The following TMEM131 variants were observed in gnomAD, a reference collection of about 807,000 sequenced individuals.
The protein encoded by TMEM131 is transmembrane protein 131, also known as 2610524E03Rik.
In TMEM131, 66 loss-of-function variants were observed where a neutral mutation model predicts 211.6. That is an observed-to-expected ratio of 0.31 (90% CI 0.26 to 0.38). The LOEUF (loss-of-function observed/expected upper bound fraction) is 0.38. Among genes scored for constraint, TMEM131 ranks in the 10% least tolerant of loss-of-function variants. The pLI is 1.00. For synonymous variants in TMEM131, 844 were observed against 841.3 expected (o/e 1.00, Z -0.06); for missense variants, 2,036 against 2,299.3 (o/e 0.89, Z 2.34).
intron 25 of TMEM131, among the ~76,000 whole-genome samples, chr2:97,800,503 A>G (rs912058196): frequency 2.6e-5 from 4 of 151,878 alleles, no homozygotes; most frequent in African/African-American, 9.7e-5. Context: ...TAATCCCAGT[A>G]CTTTAGGAGG....
intron 1 of TMEM131, among the ~76,000 whole-genome samples, chr2:97,958,033 CAGGTGAACACGGAGGTTAAGGT>C: frequency 6.6e-6 from 1 of 152,246 alleles, no homozygotes; most frequent in East Asian, 1.9e-4. Context: ...AAGGAAGAGT[CAGGTGAACACGGAGGTTAAGGT>C]AGGGCATTCC....
intron 31 of TMEM131, among the ~76,000 whole-genome samples, chr2:97,787,483 C>T (rs1680306488): frequency 1.3e-5 from 2 of 152,306 alleles, no homozygotes; most frequent in Admixed American, 1.3e-4. Flanking sequence ...AAAGAATTTC[C>T]CCAGGCTTCA....
At chr2:97,772,452 A>G in intron 32 of TMEM131, 28 bp from the exon 33 acceptor site, 1 of 1,598,336 alleles carries the variant, frequency 6.3e-7, no homozygotes, top group African/African-American at 1.4e-5. Flanking sequence ...TTAATTGCTG[A>G]GAAGGATTAA....
At chr2:97,954,971 T>C (rs1268553233) in intron 1 of TMEM131, among the ~76,000 whole-genome samples, 1 of 152,072 alleles carries the variant, frequency 6.6e-6, no homozygotes, top group Non-Finnish European at 1.5e-5. Flanking sequence ...TCCCAACTCA[T>C]CTAATGAAGC....
At chr2:97,932,841 A>AAT (rs201986525) in intron 1 of TMEM131, among the ~76,000 whole-genome samples, 2,665 of 152,302 alleles carry the variant, frequency 0.017, 111 homozygotes, top group East Asian at 0.15. Flanking sequence ...GATAAACCTA[A>AAT]ATAGGCTGAC....
intron 12 of TMEM131, 48 bp from the exon 13 acceptor site, chr2:97,815,355 G>C (rs1681772083): frequency 3.4e-6 from 4 of 1,160,410 alleles, no homozygotes; most frequent in Non-Finnish European, 4.8e-6. Flanking sequence ...TACTACCAAA[G>C]AGAATTAGTG....
Position 97,793,534 on chromosome 2 carries a change from T to C in TMEM131, c.3406A>G (p.Ile1136Val). ...GIMSALFLLVIGTAYLEAQGI... is the reference protein window; with the variant it reads ...GIMSALFLLVVGTAYLEAQGI... ...TGAGCTTCCAAATAGGCTGTTCCAA[T>C]GACCAAAAGAAACAGTGCACTGCAG... The change falls in exon 30 of 41, where the codon ATT becomes GTT. Residue 1136 changes from isoleucine (I) to valine (V), a missense_variant. Physicochemically the swap from Ile to Val is conservative, Grantham distance 29. Transcript: ENST00000186436. 6.2e-7 allele frequency: 1 copy of C among 1,613,274 alleles called. No individual in the cohort carries two copies. The highest frequency in any genetic ancestry group is 8.5e-7 in the Non-Finnish European group (1 of 1,179,534).
chr2:97,891,011 GTACGA>G (rs1248135476), intron 3 of TMEM131, among the ~76,000 whole-genome samples: 1 of 152,136 alleles, frequency 6.6e-6, no homozygotes, highest in African/African-American at 2.4e-5. Flanking sequence ...ATCCGAGTGA[GTACGA>G]TACAAGTTGA....
At chr2:97,975,130 G>C (rs1452330010) in intron 1 of TMEM131, among the ~76,000 whole-genome samples, 2 of 151,874 alleles carry the variant, frequency 1.3e-5, no homozygotes, top group East Asian at 1.9e-4. Context: ...ATTAAATTAT[G>C]TATCAATAAC....
chr2:97,928,613 C>A (rs999080795), intron 1 of TMEM131, among the ~76,000 whole-genome samples: 8 of 151,730 alleles, frequency 5.3e-5, no homozygotes, highest in African/African-American at 1.9e-4. Flanking sequence ...CTAAGTAATT[C>A]TGGAAATGAA....
chr2:97,950,292 A>AT (rs1415055903), intron 1 of TMEM131, among the ~76,000 whole-genome samples: 8 of 152,362 alleles, frequency 5.3e-5, no homozygotes, highest in African/African-American at 1.9e-4. Flanking sequence ...CTATAATCAA[A>AT]TACATACATA....
intron 2 of TMEM131, among the ~76,000 whole-genome samples, chr2:97,914,752 G>C (rs777490135): frequency 1.3e-5 from 2 of 152,064 alleles, no homozygotes; most frequent in African/African-American, 4.8e-5. Context: ...TGGTATGAAC[G>C]TATCACTGTT....
chr2:97,767,468 G>T (rs1679226410), intron 33 of TMEM131, among the ~76,000 whole-genome samples: 1 of 152,150 alleles, frequency 6.6e-6, no homozygotes, highest in Non-Finnish European at 1.5e-5. Context: ...TGCCCACCAA[G>T]ACCATGTCTG....
chr2:97,902,902 A>C (rs1208024574), intron 3 of TMEM131, among the ~76,000 whole-genome samples: 3 of 151,702 alleles, frequency 2.0e-5, no homozygotes, highest in Non-Finnish European at 4.4e-5. Context: ...TGAACGCTGG[A>C]CTCCCAAGTT....
intron 19 of TMEM131, among the ~76,000 whole-genome samples, chr2:97,808,577 G>C (rs1465953208): frequency 1.3e-5 from 2 of 152,066 alleles, no homozygotes; most frequent in Non-Finnish European, 1.5e-5. Flanking sequence ...CAGTTCAAAT[G>C]ATTCACCTGC....
At chr2:97,867,930 AT>A (rs1161181282) in intron 4 of TMEM131, among the ~76,000 whole-genome samples, 2 of 152,100 alleles carry the variant, frequency 1.3e-5, no homozygotes, top group African/African-American at 2.4e-5. Flanking sequence ...GATTTACAAC[AT>A]TTTTTTGAAT....
At chr2:97,873,372 C>T (rs1333543036) in intron 4 of TMEM131, among the ~76,000 whole-genome samples, 1 of 152,220 alleles carries the variant, frequency 6.6e-6, no homozygotes, top group Admixed American at 6.5e-5. Flanking sequence ...GAGCAGTGGA[C>T]CTCCCAGCAC....
intron 3 of TMEM131, among the ~76,000 whole-genome samples, chr2:97,890,597 T>C (rs1444391440): frequency 6.6e-6 from 1 of 152,212 alleles, no homozygotes; most frequent in Non-Finnish European, 1.5e-5. Context: ...ACATGGATAC[T>C]GTTCATATTA....
At chr2:97,814,436 G>A (rs1354337658) in intron 13 of TMEM131, 48 bp from the exon 14 acceptor site, 2 of 1,475,690 alleles carry the variant, frequency 1.4e-6, no homozygotes, top group Admixed American at 2.4e-5. Context: ...TTATTTCCAT[G>A]TGTTAATTTA....
Sources: gnomAD v4.1 joint callset for allele counts (sites outside exome capture counted in the v4.1 genomes callset) on GRCh38, gnomAD v4.1.1 for gene constraint, MANE v1.5 for transcripts, NCBI Gene and HGNC (gene_info 2026-07-23, HGNC 2026-07-21) for gene names.